Variants in ZFHX3 observed in about 807,000 individuals in gnomAD.
ZFHX3 encodes the protein zinc finger homeobox 3.
ZFHX3 carries 42 observed loss-of-function variants against 279.1 expected under a neutral mutation model. The observed-to-expected ratio is 0.15, with a 90% CI of 0.12 to 0.19. The LOEUF is 0.19. Among genes scored for constraint, ZFHX3 ranks in the 10% least tolerant of loss-of-function variants. ZFHX3 has a pLI of 1.00. For synonymous variants in ZFHX3, 2,293 were observed against 1,957.8 expected, an observed-to-expected ratio of 1.17 and a Z score of -4.52; for missense variants, 4,981 against 4,754.0, an observed-to-expected ratio of 1.05 and a Z score of -1.40.
chr16:73,672,575 T>C (rs190964670), intron 2 of ZFHX3, among the ~76,000 whole-genome samples: 1 of 152,196 alleles, frequency 6.6e-6, no homozygotes, highest in Admixed American at 6.5e-5. Flanking sequence ...ATTAGTAATA[T>C]AGAAACTGAG....
chr16:73,256,784 G>A (rs941560446), intron 5 of ZFHX3, among the ~76,000 whole-genome samples: 39 of 152,274 alleles, frequency 2.6e-4, no homozygotes, highest in Non-Finnish European at 1.5e-5. Context: ...AGGATGATAA[G>A]CAACATTTAA....
At chr16:73,501,300 A>G (rs577098277) in intron 2 of ZFHX3, among the ~76,000 whole-genome samples, 2 of 152,354 alleles carry the variant, frequency 1.3e-5, no homozygotes, top group East Asian at 3.9e-4. Flanking sequence ...CATTTCTTAG[A>G]ACATATCTTC....
At chr16:73,841,867 CAT>C (rs1359000737) in intron 1 of ZFHX3, among the ~76,000 whole-genome samples, 1 of 152,150 alleles carries the variant, frequency 6.6e-6, no homozygotes, top group African/African-American at 2.4e-5. Flanking sequence ...CACATGAGCG[CAT>C]AGTCTGTACA....
chr16:73,214,382 AT>A (rs917422915), intron 5 of ZFHX3, among the ~76,000 whole-genome samples: 22 of 150,846 alleles, frequency 1.5e-4, no homozygotes, highest in African/African-American at 4.4e-4. Context: ...GTGACTGTGA[AT>A]TTTTTTTTTC....
chr16:72,817,773 G>A (rs935407187), intron 5 of ZFHX3, among the ~76,000 whole-genome samples: 11 of 152,222 alleles, frequency 7.2e-5, no homozygotes, highest in East Asian at 3.9e-4. Context: ...CCTTTTTGGC[G>A]TCCTGAGGTG....
chr16:73,385,752 G>A lies in ZFHX3; in HGVS notation c.-1290-67416C>T, dbSNP rs1326439620. On this transcript the variant is annotated intron_variant, in intron 3 of 17. Transcript: ENST00000641206. ...TGCTTACAGGCTGGGGTACTCACAG[G>A]TATGGGCAGGAGGGGCCTGGGCAGG... Among the ~76,000 whole-genome samples the A allele has an allele frequency of 2.0e-5, 3 of 152,220 alleles. No homozygotes were observed. The East Asian group carries it at 5.8e-4, about 29-fold the overall frequency.
intron 2 of ZFHX3, among the ~76,000 whole-genome samples, chr16:73,557,222 C>A (rs926798762): frequency 2.6e-5 from 4 of 151,606 alleles, no homozygotes; most frequent in Non-Finnish European, 5.9e-5. Flanking sequence ...CATGGGAGGC[C>A]AACAAAGGTT....
chr16:73,778,307 T>C (rs995748360), intron 1 of ZFHX3, among the ~76,000 whole-genome samples: 5 of 149,260 alleles, frequency 3.3e-5, no homozygotes, highest in Non-Finnish European at 4.4e-5. Context: ...TAAATCTATT[T>C]TGATGTCACT....
At chr16:73,461,470 G>C (rs9889115) in intron 2 of ZFHX3, among the ~76,000 whole-genome samples, 110,799 of 152,072 alleles carry the variant, frequency 0.73, 41,468 homozygotes, top group Non-Finnish European at 0.83. Flanking sequence ...TGTAGTCCTA[G>C]ATCCTGAAGA....
chr16:73,378,030 C>CAAAAAAAAAAAAAAA lies in ZFHX3; in HGVS notation c.-1290-59709_-1290-59695dup, dbSNP rs71156159. 3.0e-4 allele frequency among the ~76,000 whole-genome samples: 16 copies of CAAAAAAAAAAAAAAA among 53,840 alleles called. 3 individuals are homozygous for CAAAAAAAAAAAAAAA. The highest frequency in any genetic ancestry group is 3.9e-4 in the Non-Finnish European group (12 of 30,822). 35.3% of individuals were successfully genotyped at this position (53,840 alleles called of 152,430 possible). A position where few individuals can be genotyped will look rare whatever the true frequency, so the allele number is the denominator to read the frequency against. On this transcript the variant is annotated intron_variant, in intron 3 of 17. Transcript: ENST00000641206. Reference sequence around the variant, plus strand: ...CCTGGGTGACAGAGAGACTCTGTCTCAAAAAAAAAAAAAAAAAAAAAAAAA... The same window carrying CAAAAAAAAAAAAAAA: ...CCTGGGTGACAGAGAGACTCTGTCTCAAAAAAAAAAAAAAAAAAAAAAAAAAAAAAAAAAAAAAAA...
At chr16:72,855,714 G>A (rs905471508) in intron 4 of ZFHX3, among the ~76,000 whole-genome samples, 9 of 152,104 alleles carry the variant, frequency 5.9e-5, no homozygotes, top group African/African-American at 9.7e-5. Flanking sequence ...AATAATGCTC[G>A]CGCCAGAGAA....
intron 1 of ZFHX3, among the ~76,000 whole-genome samples, chr16:73,732,372 T>C (rs1427435270): frequency 6.6e-6 from 1 of 152,196 alleles, no homozygotes; most frequent in Admixed American, 6.5e-5. Flanking sequence ...CAAATCTGCT[T>C]TGGGTTCTTT....
At chr16:73,425,549 A>C (rs1467706311) in intron 3 of ZFHX3, among the ~76,000 whole-genome samples, 3 of 152,168 alleles carry the variant, frequency 2.0e-5, no homozygotes, top group African/African-American at 7.2e-5. Context: ...CAAAAGTGAA[A>C]CCAGAGCCTA....
intron 4 of ZFHX3, among the ~76,000 whole-genome samples, chr16:72,880,260 A>T (rs2038426676): frequency 6.6e-6 from 1 of 152,234 alleles, no homozygotes; most frequent in Non-Finnish European, 1.5e-5. Context: ...TTCAGATATC[A>T]GAAAGTCTGG....
At chr16:73,133,981 T>C (rs1414127147) in intron 6 of ZFHX3, among the ~76,000 whole-genome samples, 1 of 152,188 alleles carries the variant, frequency 6.6e-6, no homozygotes, top group East Asian at 1.9e-4. Flanking sequence ...AGCCGATACT[T>C]ATTATGTGCC....
At chr16:73,714,717 A>G (rs1178739149) in intron 1 of ZFHX3, among the ~76,000 whole-genome samples, 1 of 152,190 alleles carries the variant, frequency 6.6e-6, no homozygotes, top group Non-Finnish European at 1.5e-5. Context: ...CATGAAGACT[A>G]CGATTATTTT....
At chr16:72,908,726 C>T (rs1057084901) in intron 3 of ZFHX3, among the ~76,000 whole-genome samples, 3 of 152,130 alleles carry the variant, frequency 2.0e-5, no homozygotes, top group Non-Finnish European at 2.9e-5. Context: ...GTTACCCGCC[C>T]GTCCCTGCTC....
intron 4 of ZFHX3, among the ~76,000 whole-genome samples, chr16:73,279,422 T>C (rs200294287): frequency 6.6e-6 from 1 of 152,104 alleles, no homozygotes; most frequent in Non-Finnish European, 1.5e-5. Context: ...TTTATGGCTA[T>C]AAAGAAAAAA....
chr16:73,255,115 C>T (rs2013627837), intron 5 of ZFHX3, among the ~76,000 whole-genome samples: 1 of 152,324 alleles, frequency 6.6e-6, no homozygotes, highest in East Asian at 1.9e-4. Context: ...ATATCCAGAT[C>T]AGTCCTGAGA....
Sources: allele counts gnomAD v4.1 joint callset (sites outside exome capture counted in the v4.1 genomes callset), GRCh38; gene constraint gnomAD v4.1.1; transcripts MANE v1.5; gene names NCBI Gene and HGNC (gene_info 2026-07-23, HGNC 2026-07-21).